The following HOMER2 variants were observed in gnomAD, a reference collection of about 807,000 sequenced individuals.
HOMER2 encodes the protein homer scaffold protein 2, also known as homer protein homolog 2.
Under a neutral mutation model 47.0 loss-of-function variants are expected in HOMER2, and 27 were observed. The observed-to-expected ratio is 0.57, with a 90% CI of 0.42 to 0.79. The LOEUF is 0.79. HOMER2 is among the 30% of genes least tolerant of loss of function. The pLI is 0.00. For synonymous variants in HOMER2, 161 were observed against 163.8 expected, an observed-to-expected ratio of 0.98 and a Z score of 0.13; for missense variants, 443 against 435.0, an observed-to-expected ratio of 1.02 and a Z score of -0.16.
chr15:82,880,999 T>C (rs867599232), intron 2 of HOMER2, among the ~76,000 whole-genome samples: 4 of 152,192 alleles, frequency 2.6e-5, no homozygotes, highest in African/African-American at 9.7e-5. Context: ...GAATGAGAAC[T>C]GTTTACCCCT....
chr15:82,865,219 C>T (rs1237433831), intron 3 of HOMER2, among the ~76,000 whole-genome samples: 2 of 152,192 alleles, frequency 1.3e-5, no homozygotes, highest in Non-Finnish European at 2.9e-5. Context: ...TTAACTATTG[C>T]AATGCTGGCA....
intron 1 of HOMER2, among the ~76,000 whole-genome samples, chr15:82,942,418 C>T (rs1361497740): frequency 6.6e-6 from 1 of 152,198 alleles, no homozygotes; most frequent in Non-Finnish European, 1.5e-5. Context: ...CATACAGGGA[C>T]CCTGAAACTA....
At chr15:82,856,441 CCTCAT>C (rs1441919225) in intron 5 of HOMER2, among the ~76,000 whole-genome samples, 1 of 151,892 alleles carries the variant, frequency 6.6e-6, no homozygotes, top group Non-Finnish European at 1.5e-5. Flanking sequence ...CATAGCAAGA[CCTCAT>C]CTCTACAAAA....
At chr15:82,872,727 G>A (rs936420433) in intron 3 of HOMER2, among the ~76,000 whole-genome samples, 8 of 151,988 alleles carry the variant, frequency 5.3e-5, no homozygotes, top group East Asian at 1.9e-4. Flanking sequence ...GGCAGACGAC[G>A]GAAAAGGGAA....
chr15:82,843,936 T>C (rs1390311875), exon 2 of HOMER2: 1 of 152,164 alleles, frequency 6.6e-6, no homozygotes, highest in Non-Finnish European at 1.5e-5. Flanking sequence ...TAAGGTTTAT[T>C]TTTTTTATTC....
chr15:82,967,406 T>C (rs1422205920), intron 1 of HOMER2, among the ~76,000 whole-genome samples: 2 of 152,138 alleles, frequency 1.3e-5, no homozygotes, highest in Non-Finnish European at 2.9e-5. Context: ...GAGAGATACA[T>C]GCTGAAATAC....
chr15:82,910,023 C>T (rs1370532256), intron 1 of HOMER2, among the ~76,000 whole-genome samples: 1 of 149,616 alleles, frequency 6.7e-6, no homozygotes, highest in Non-Finnish European at 1.5e-5. Context: ...ATCTCAGCTA[C>T]TCAGGAGGCT....
chr15:82,850,599 C>T (rs1004115899), intron 8 of HOMER2, among the ~76,000 whole-genome samples: 3 of 152,226 alleles, frequency 2.0e-5, no homozygotes, highest in African/African-American at 7.2e-5. Context: ...AGGGAATAAA[C>T]AGAGACCTTT....
chr15:82,845,218 TCACACACACACACACACACACA>T (rs33974319), downstream of HOMER2: 1 of 145,924 alleles, frequency 6.9e-6, no homozygotes, highest in Non-Finnish European at 1.5e-5. Flanking sequence ...TGCTGTTTCT[TCACACACACACACACACACACA>T]CACACACACA....
exon 2 of HOMER2, chr15:82,838,321 G>A (rs924453260): frequency 6.6e-6 from 1 of 152,336 alleles, no homozygotes; most frequent in Non-Finnish European, 1.5e-5. Flanking sequence ...GCACAGAGAT[G>A]GTAACAACTC....
chr15:82,919,899 T>C (rs895335748), intron 1 of HOMER2, among the ~76,000 whole-genome samples: 3 of 152,212 alleles, frequency 2.0e-5, no homozygotes, highest in African/African-American at 7.2e-5. Context: ...AAACATGACA[T>C]GCTTGTGATA....
chr15:82,950,545 C>T (rs1235497782), intron 1 of HOMER2, among the ~76,000 whole-genome samples: 1 of 152,172 alleles, frequency 6.6e-6, no homozygotes, highest in Non-Finnish European at 1.5e-5. Context: ...GCTCCCTCCA[C>T]CCTCCTGTCT....
intron 1 of HOMER2, among the ~76,000 whole-genome samples, chr15:82,915,762 T>C (rs1245957571): frequency 6.6e-6 from 1 of 152,106 alleles, no homozygotes; most frequent in Non-Finnish European, 1.5e-5. Flanking sequence ...TAAATAAGGA[T>C]ATACAAAGAT....
chr15:82,950,546 C>T (rs565048010), intron 1 of HOMER2, among the ~76,000 whole-genome samples: 2 of 152,168 alleles, frequency 1.3e-5, no homozygotes, highest in African/African-American at 4.8e-5. Context: ...CTCCCTCCAC[C>T]CTCCTGTCTG....
At chr15:82,962,541 G>T (rs1328822940) in intron 1 of HOMER2, among the ~76,000 whole-genome samples, 2 of 152,002 alleles carry the variant, frequency 1.3e-5, no homozygotes, top group Non-Finnish European at 2.9e-5. Flanking sequence ...GCCGGGTTTG[G>T]TGGCGTGCGC....
exon 2 of HOMER2, chr15:82,959,115 C>T (rs1380074077): frequency 6.6e-6 from 1 of 152,404 alleles, no homozygotes; most frequent in Non-Finnish European, 1.5e-5. Flanking sequence ...TAGCAAATTC[C>T]CAAACAGGTC....
chr15:82,871,670 G>A (rs1326545619), intron 3 of HOMER2, among the ~76,000 whole-genome samples: 1 of 152,216 alleles, frequency 6.6e-6, no homozygotes, highest in Non-Finnish European at 1.5e-5. Context: ...CTCCAGCACT[G>A]CACCAGAGGC....
At chr15:82,843,138 G>T (rs1439166253) in exon 2 of HOMER2, 2 of 152,224 alleles carry the variant, frequency 1.3e-5, no homozygotes, top group African/African-American at 4.8e-5. Context: ...ATACAACCTT[G>T]CCATCAGAAT....
chr15:82,940,302 C>T (rs1233834652), intron 1 of HOMER2, among the ~76,000 whole-genome samples: 1 of 152,156 alleles, frequency 6.6e-6, no homozygotes, highest in East Asian at 1.9e-4. Flanking sequence ...GTGACTCCAA[C>T]CTACCAAGTT....
Sources: allele counts gnomAD v4.1 joint callset (sites outside exome capture counted in the v4.1 genomes callset), GRCh38; gene constraint gnomAD v4.1.1; transcripts MANE v1.5; gene names NCBI Gene and HGNC (gene_info 2026-07-23, HGNC 2026-07-21).